HMBOX1: variants seen among roughly 807,000 people sequenced by gnomAD.
HMBOX1 encodes homeobox-containing protein 1.
A neutral mutation model predicts 54.5 loss-of-function variants in HMBOX1; 14 were observed. The observed-to-expected ratio is 0.26, with a 90% CI of 0.17 to 0.40. The LOEUF is 0.40. Among genes scored for constraint, HMBOX1 ranks in the 10% least tolerant of loss-of-function variants. The pLI is 1.00. For synonymous variants in HMBOX1, 160 were observed against 181.0 expected (o/e 0.88, Z 0.93); for missense variants, 332 against 514.4 (o/e 0.65, Z 3.43).
intron 4 of HMBOX1, among the ~76,000 whole-genome samples, chr8:28,987,560 C>G (rs1035090348): frequency 6.6e-6 from 1 of 152,026 alleles, no homozygotes; most frequent in African/African-American, 2.4e-5. Context: ...AAAATAAATG[C>G]CATTGCTTGT....
At chr8:29,006,557 C>T (rs531824253) in intron 4 of HMBOX1, among the ~76,000 whole-genome samples, 1 of 152,154 alleles carries the variant, frequency 6.6e-6, no homozygotes, top group Non-Finnish European at 1.5e-5. Context: ...TATAGCCTTG[C>T]CAGCACTTGA....
At chr8:28,950,254 C>A (rs1053250942) in intron 1 of HMBOX1, among the ~76,000 whole-genome samples, 2 of 152,222 alleles carry the variant, frequency 1.3e-5, no homozygotes, top group African/African-American at 2.4e-5. Context: ...TACTCTTGGA[C>A]CCCCACCTCT....
intron 1 of HMBOX1, among the ~76,000 whole-genome samples, chr8:28,892,410 T>G (rs1811189919): frequency 6.6e-6 from 1 of 152,212 alleles, no homozygotes; most frequent in African/African-American, 2.4e-5. Context: ...AAGGTCATAT[T>G]TTGTACTTCC....
chr8:28,917,346 G>A (rs184701703), intron 1 of HMBOX1, among the ~76,000 whole-genome samples: 1 of 151,992 alleles, frequency 6.6e-6, no homozygotes, highest in Admixed American at 6.5e-5. Context: ...TATTTTTATT[G>A]GATTGTTAGT....
Position 29,051,109 on chromosome 8 carries a change from G to T in HMBOX1, c.1217G>T (p.Arg406Leu). The T allele has an allele frequency of 6.2e-7, 1 of 1,613,700 alleles. No individual in the cohort carries two copies. Among genetic ancestry groups the T allele is most frequent in the Non-Finnish European group, 8.5e-7 (1 of 1,179,958 alleles). The change falls in exon 10 of 10, where the codon CGA (arginine) becomes CTA (leucine). Residue 406 changes from arginine (R) to leucine (L), a missense_variant. Around this residue, in one of 4 missense-constraint regions of HMBOX1, gnomAD observed 69 missense variants for 104.6 expected, o/e 0.66. Transcript: ENST00000287701. Reference sequence around the variant, plus strand: ...AACCACACTATCTTGGCATTGGCCCGACAAGGAGCCAACGAAATCAAGACA... The same window carrying T: ...AACCACACTATCTTGGCATTGGCCCTACAAGGAGCCAACGAAATCAAGACA... ...AVNHTILALARQGANEIKTEA... is the reference protein window; with the variant it reads ...AVNHTILALALQGANEIKTEA...
chr8:28,987,134 A>T (rs751883658), intron 4 of HMBOX1, among the ~76,000 whole-genome samples: 4 of 152,154 alleles, frequency 2.6e-5, no homozygotes, highest in Admixed American at 6.5e-5. Context: ...CCTGTATATA[A>T]AGTAGAAACT....
intron 6 of HMBOX1, among the ~76,000 whole-genome samples, chr8:29,023,454 G>T (rs564484351): frequency 1.6e-4 from 25 of 152,292 alleles, no homozygotes; most frequent in Non-Finnish European, 3.1e-4. Flanking sequence ...CCAGGCTGGA[G>T]TTCAGTGGCA....
At chr8:28,969,986 A>G in intron 2 of HMBOX1, 57 bp from the exon 3 acceptor site, 6 of 1,040,960 alleles carry the variant, frequency 5.8e-6, no homozygotes, top group Non-Finnish European at 8.7e-6. Flanking sequence ...TCTGTATAAT[A>G]TGTGCTTTGG....
chr8:28,913,435 C>T (rs943056723), intron 1 of HMBOX1, among the ~76,000 whole-genome samples: 11 of 152,124 alleles, frequency 7.2e-5, no homozygotes, highest in Non-Finnish European at 1.6e-4. Context: ...CCTCCCACCT[C>T]GCCTTCACCA....
intron 6 of HMBOX1, among the ~76,000 whole-genome samples, 170 bp from the exon 7 acceptor site, chr8:29,045,191 A>AT (rs1284392561): frequency 6.6e-6 from 1 of 152,250 alleles, no homozygotes. Context: ...TGTGGCTACC[A>AT]TACTGGACAG....
chr8:29,034,737 A>C (rs994554416), intron 6 of HMBOX1, among the ~76,000 whole-genome samples: 1 of 152,140 alleles, frequency 6.6e-6, no homozygotes, highest in African/African-American at 2.4e-5. Flanking sequence ...CATGCCTGTA[A>C]TCCCAGCTAC....
chr8:28,895,911 A>T (rs947548873), intron 1 of HMBOX1, among the ~76,000 whole-genome samples: 3 of 152,078 alleles, frequency 2.0e-5, no homozygotes, highest in Non-Finnish European at 2.9e-5. Context: ...AATTTTTTTC[A>T]TTAGTCATTC....
intron 1 of HMBOX1, among the ~76,000 whole-genome samples, chr8:28,909,762 G>A (rs1378083999): frequency 2.0e-5 from 3 of 152,162 alleles, no homozygotes; most frequent in South Asian, 4.1e-4. Flanking sequence ...TTTATTTGGT[G>A]TAAAATTCAT....
chr8:28,969,344 A>G (rs1826998063), intron 2 of HMBOX1, among the ~76,000 whole-genome samples: 1 of 152,240 alleles, frequency 6.6e-6, no homozygotes, highest in East Asian at 1.9e-4. Flanking sequence ...AGAAAAATGA[A>G]TAGCATTGTT....
chr8:28,960,753 CTTTTTCTTTTTCTTTTTTTTTTT>C (rs1306425724), intron 1 of HMBOX1, among the ~76,000 whole-genome samples: 8 of 65,644 alleles, frequency 1.2e-4, no homozygotes, highest in African/African-American at 4.3e-4. Context: ...TTCTCTTTTT[CTTTTTCTTTTTCTTTTTTTTTTT>C]TTTTTTTTTT....
chr8:28,898,031 A>G (rs757078333), intron 1 of HMBOX1, among the ~76,000 whole-genome samples: 36 of 152,216 alleles, frequency 2.4e-4, no homozygotes, highest in Admixed American at 2.1e-3. Context: ...CTGCCCCTTA[A>G]TCAGCCATAT....
At chr8:28,973,814 T>A in intron 3 of HMBOX1, among the ~76,000 whole-genome samples, 1 of 20,446 alleles carries the variant, frequency 4.9e-5, no homozygotes. Context: ...TTTTTTTTTT[T>A]TTTTTTTTTT....
At chr8:29,013,873 G>A (rs1422518006) in intron 5 of HMBOX1, among the ~76,000 whole-genome samples, 3 of 152,146 alleles carry the variant, frequency 2.0e-5, no homozygotes, top group African/African-American at 7.2e-5. Flanking sequence ...TTGGCATGTG[G>A]TGCATATTCT....
intron 4 of HMBOX1, among the ~76,000 whole-genome samples, chr8:28,986,053 C>A (rs530186765): frequency 2.2e-4 from 34 of 152,278 alleles, no homozygotes; most frequent in African/African-American, 8.2e-4. Context: ...GTTGCACTGC[C>A]CAAAAACTTC....
Sources: allele counts gnomAD v4.1 joint callset (sites outside exome capture counted in the v4.1 genomes callset), GRCh38; gene constraint gnomAD v4.1.1; regional missense constraint gnomAD v4.1.1; transcripts MANE v1.5; gene names NCBI Gene and HGNC (gene_info 2026-07-23, HGNC 2026-07-21).